RAB6A: variants seen among roughly 807,000 people sequenced by gnomAD.
The protein encoded by RAB6A is RAB6A, member RAS oncogene family, also known as ras-related protein Rab-6A.
Under a neutral mutation model 32.3 loss-of-function variants are expected in RAB6A, and 8 were observed. That is an observed-to-expected ratio of 0.25 (90% CI 0.15 to 0.45). The LOEUF is 0.45. Ranked by LOEUF, RAB6A falls within the 20% of genes least tolerant of loss-of-function variation. The pLI is 1.00. For synonymous variants in RAB6A, 73 were observed against 82.1 expected, an observed-to-expected ratio of 0.89 and a Z score of 0.60; for missense variants, 104 against 249.4, an observed-to-expected ratio of 0.42 and a Z score of 3.93.
chr11:73,738,379 G>C (rs187346968), intron 1 of RAB6A, among the ~76,000 whole-genome samples: 1 of 152,258 alleles, frequency 6.6e-6, no homozygotes, highest in East Asian at 1.9e-4. Flanking sequence ...GTCAGGGACA[G>C]TGGCTCTTGC....
chr11:73,760,577 C>A lies in RAB6A; in HGVS notation c.59G>T (p.Gly20Val). The A allele has an allele frequency of 6.2e-7, 1 of 1,609,966 alleles. No individual in the cohort carries two copies. The highest frequency in any genetic ancestry group is 8.5e-7 in the Non-Finnish European group (1 of 1,178,296). The change falls in exon 1 of 8, where the codon GGG becomes GTG. Residue 20 changes from glycine to valine, a missense_variant. Around this residue, in one of 4 missense-constraint regions of RAB6A, gnomAD observed 48 missense variants for 155.2 expected, o/e 0.31. Coordinates refer to ENST00000336083, the MANE Select transcript of RAB6A (RefSeq NM_198896.2). ...AGCCACGCACTCACCGCTTTGCTCC[C>A]CCAGGAACACCAGCTTGAATTTCCT... ...PLRKFKLVFL[G>V]EQSVGKTSLI...
At chr11:73,753,812 C>G (rs1946705498) in intron 1 of RAB6A, among the ~76,000 whole-genome samples, 1 of 152,152 alleles carries the variant, frequency 6.6e-6, no homozygotes, top group South Asian at 2.1e-4. Flanking sequence ...CACGCCCAGC[C>G]TTAGCTCTAC....
chr11:73,682,525 T>TA (rs1435173291), intron 6 of RAB6A, among the ~76,000 whole-genome samples: 12 of 152,122 alleles, frequency 7.9e-5, no homozygotes, highest in Non-Finnish European at 1.5e-4. Context: ...TAGCTGGGCA[T>TA]GATGGCACAT....
chr11:73,685,097 T>C (rs1945421869), intron 6 of RAB6A, among the ~76,000 whole-genome samples: 1 of 152,204 alleles, frequency 6.6e-6, no homozygotes, highest in South Asian at 2.1e-4. Flanking sequence ...TACAGTGTAG[T>C]AGTTAACAGC....
intron 2 of RAB6A, chr11:73,730,457 A>T (rs1946286159): frequency 4.3e-6 from 1 of 232,442 alleles, no homozygotes; most frequent in African/African-American, 2.2e-5. Flanking sequence ...AAATGTAGAT[A>T]AAAAATGTCA....
At chr11:73,751,696 T>C (rs1237716539) in intron 1 of RAB6A, among the ~76,000 whole-genome samples, 2 of 151,936 alleles carry the variant, frequency 1.3e-5, no homozygotes, top group Non-Finnish European at 2.9e-5. Flanking sequence ...AGGGATAGAG[T>C]ACAAACAATA....
At chr11:73,693,161 G>A (rs1055690987) in intron 6 of RAB6A, among the ~76,000 whole-genome samples, 12 of 152,058 alleles carry the variant, frequency 7.9e-5, no homozygotes, top group Non-Finnish European at 1.3e-4. Flanking sequence ...GGTGGCACAC[G>A]CCTGTAATCC....
intron 1 of RAB6A, among the ~76,000 whole-genome samples, chr11:73,745,025 T>C (rs1946565448): frequency 6.6e-6 from 1 of 150,630 alleles, no homozygotes; most frequent in South Asian, 2.1e-4. Flanking sequence ...GACTGACTAC[T>C]AGCACAAGAC....
chr11:73,710,202 G>C (rs12274842), intron 5 of RAB6A, among the ~76,000 whole-genome samples: 1 of 148,752 alleles, frequency 6.7e-6, no homozygotes, highest in Non-Finnish European at 1.5e-5. Context: ...TCCGGACCTC[G>C]TGATCCACCC....
intron 1 of RAB6A, among the ~76,000 whole-genome samples, chr11:73,733,568 T>A (rs964104223): frequency 5.1e-5 from 7 of 138,294 alleles, no homozygotes; most frequent in Non-Finnish European, 9.9e-5. Flanking sequence ...AAAAAATAAA[T>A]AAATAAAAAT....
In RAB6A at chr11:73,720,850, C is replaced by A; in HGVS notation, c.179G>T (p.Arg60Leu). The change falls in exon 3 of 8, where the codon CGA (arginine) becomes CTA (leucine). Residue 60 changes from arginine to leucine, a missense_variant. Arg to Leu is a moderately radical substitution (Grantham distance 102). Coordinates refer to ENST00000336083, the MANE Select transcript of RAB6A (RefSeq NM_198896.2). Reference sequence around the variant, plus strand: ...CACACTGAAAATATTACTCACTGTTCGATCCTCCAAGTACATAGTTTTTGA... The same window carrying A: ...CACACTGAAAATATTACTCACTGTTAGATCCTCCAAGTACATAGTTTTTGA... ...FLSKTMYLED[R>L]TVRLQLWDTA... The A allele has an allele frequency of 6.2e-7, 1 of 1,606,014 alleles. No individual in the cohort carries two copies. The highest frequency in any genetic ancestry group is 8.5e-7 in the Non-Finnish European group (1 of 1,175,694).
intron 6 of RAB6A, among the ~76,000 whole-genome samples, chr11:73,689,078 T>C (rs557055530): frequency 6.6e-6 from 1 of 151,866 alleles, no homozygotes; most frequent in East Asian, 1.9e-4. Context: ...GCTGTGATTA[T>C]GCCACTGCAC....
At chr11:73,722,299 G>GTGTGTGTATGTGTGTGTC (rs1946144986) in intron 2 of RAB6A, 1 of 27,504 alleles carries the variant, frequency 3.6e-5, no homozygotes, top group Non-Finnish European at 6.7e-5. Context: ...ATATATATGT[G>GTGTGTGTATGTGTGTGTC]TGTGTGTATA....
At chr11:73,734,336 G>C (rs1285676107) in intron 1 of RAB6A, among the ~76,000 whole-genome samples, 3 of 152,084 alleles carry the variant, frequency 2.0e-5, no homozygotes, top group Non-Finnish European at 4.4e-5. Flanking sequence ...ATGTTGGCCA[G>C]GCTGGTCTCA....
chr11:73,685,257 T>TTTTAGTACTG (rs1180956664), intron 6 of RAB6A, among the ~76,000 whole-genome samples: 3 of 152,076 alleles, frequency 2.0e-5, no homozygotes, highest in African/African-American at 7.2e-5. Context: ...ATGCAAAGTG[T>TTTTAGTACTG]TTTAGTACTG....
intron 1 of RAB6A, among the ~76,000 whole-genome samples, chr11:73,752,341 A>T (rs1946681304): frequency 6.6e-6 from 1 of 152,166 alleles, no homozygotes; most frequent in Admixed American, 6.6e-5. Context: ...CTGTAATCTC[A>T]GCTACTCAGG....
intron 5 of RAB6A, among the ~76,000 whole-genome samples, chr11:73,710,936 T>G (rs961216072): frequency 6.6e-6 from 1 of 152,086 alleles, no homozygotes; most frequent in African/African-American, 2.4e-5. Context: ...AATTTATCTT[T>G]CCTTTTTGGC....
chr11:73,722,058 T>TATATATATATATATATATATATATA (rs1270436615), intron 2 of RAB6A, among the ~76,000 whole-genome samples: 1 of 147,670 alleles, frequency 6.8e-6, no homozygotes, highest in Non-Finnish European at 1.5e-5. Flanking sequence ...TCTGCCATGA[T>TATATATATATATATATATATATATA]TGTAAGTTTC....
chr11:73,729,721 T>C (rs138912948), intron 2 of RAB6A: 32 of 152,354 alleles, frequency 2.1e-4, no homozygotes, highest in African/African-American at 7.0e-4. Context: ...GATAGTAAAC[T>C]CACCTTTGAG....
Sources: allele counts gnomAD v4.1 joint callset (sites outside exome capture counted in the v4.1 genomes callset), GRCh38; gene constraint gnomAD v4.1.1; regional missense constraint gnomAD v4.1.1; transcripts MANE v1.5; gene names NCBI Gene and HGNC (gene_info 2026-07-23, HGNC 2026-07-21).